DLC1: variants seen among roughly 807,000 people sequenced by gnomAD.
The protein encoded by DLC1 is rho GTPase-activating protein 7.
In DLC1, 54 loss-of-function variants were observed where a neutral mutation model predicts 140.3. The observed-to-expected ratio is 0.38, with a 90% confidence interval of 0.31 to 0.48. The LOEUF is 0.48. Ranked by LOEUF, DLC1 falls within the 20% of genes least tolerant of loss-of-function variation. The probability of loss-of-function intolerance (pLI) is 0.96; values close to 1 mark genes in which losing one functional copy is unlikely to be tolerated. For missense variants in DLC1, 2,536 were observed against 1,907.0 expected, an observed-to-expected ratio of 1.33 and a Z score of -6.14; for synonymous variants, 986 against 728.1, an observed-to-expected ratio of 1.35 and a Z score of -5.70.
At chr8:13,297,282 T>TAAAAAAAAA (rs60048506) in intron 5 of DLC1, among the ~76,000 whole-genome samples, 166 of 9,634 alleles carry the variant, frequency 0.017, 44 homozygotes, top group Admixed American at 0.03. Flanking sequence ...CTTCATACAT[T>TAAAAAAAAA]AAAAAAAAAA....
At chr8:13,443,590 G>T (rs572875842) in intron 2 of DLC1, among the ~76,000 whole-genome samples, 1 of 149,228 alleles carries the variant, frequency 6.7e-6, no homozygotes. Flanking sequence ...ACCCAGAGGC[G>T]GAGCTTGCAG....
intron 2 of DLC1, among the ~76,000 whole-genome samples, chr8:13,457,428 C>T (rs1184242480): frequency 6.6e-6 from 1 of 151,904 alleles, no homozygotes; most frequent in Non-Finnish European, 1.5e-5. Context: ...CCTGTAATCC[C>T]AGCACTTTGA....
chr8:13,429,368 A>G (rs564189985), intron 2 of DLC1, among the ~76,000 whole-genome samples: 2 of 152,238 alleles, frequency 1.3e-5, no homozygotes, highest in Non-Finnish European at 2.9e-5. Context: ...GTTTTATGCA[A>G]TGTAAGTATC....
chr8:13,271,073 C>G (rs187384331), intron 5 of DLC1, among the ~76,000 whole-genome samples: 1 of 152,172 alleles, frequency 6.6e-6, no homozygotes, highest in Admixed American at 6.5e-5. Flanking sequence ...ATTCTCTCAT[C>G]AAAGCCACCC....
At chr8:13,298,317 T>C (rs2117491130) in intron 5 of DLC1, among the ~76,000 whole-genome samples, 1 of 152,312 alleles carries the variant, frequency 6.6e-6, no homozygotes, top group South Asian at 2.1e-4. Context: ...GTGGCACAGA[T>C]CCCCAAATAG....
intron 1 of DLC1, among the ~76,000 whole-genome samples, chr8:13,581,928 A>C (rs1008355861): frequency 6.6e-6 from 1 of 152,158 alleles, no homozygotes; most frequent in Non-Finnish European, 1.5e-5. Context: ...TAGGAAAAAA[A>C]ATTTAATGCA....
intron 1 of DLC1, among the ~76,000 whole-genome samples, chr8:13,512,966 C>CT (rs57239531): frequency 2.1e-5 from 3 of 139,966 alleles, no homozygotes; most frequent in African/African-American, 8.0e-5. Flanking sequence ...ACAGTTTTAC[C>CT]TTTTTTTTTT....
In DLC1 at chr8:13,503,270, G is replaced by T. The variant is rs568251642; in HGVS notation, c.-125-3074C>A. Among the ~76,000 whole-genome samples the T allele has an allele frequency of 4.6e-5, 7 of 152,200 alleles. No individual in the cohort carries two copies. The South Asian group carries it at 1.4e-3, about 32-fold the overall frequency. On this transcript the variant is annotated intron_variant, in intron 1 of 17. Transcript: ENST00000276297. ...AATGCAAAAATTAGCCAGGAGTGGT[G>T]GCGTGCACCTGTAGACCCAGCAACT...
intron 5 of DLC1, among the ~76,000 whole-genome samples, chr8:13,262,327 G>A (rs1474792153): frequency 6.6e-6 from 1 of 151,594 alleles, no homozygotes; most frequent in Non-Finnish European, 1.5e-5. Context: ...CATAAGAAAT[G>A]ATAAAAGCCA....
At chr8:13,223,340 G>A (rs1229464379) in intron 5 of DLC1, among the ~76,000 whole-genome samples, 2 of 152,078 alleles carry the variant, frequency 1.3e-5, no homozygotes, top group East Asian at 1.9e-4. Context: ...CTCTTCGCAC[G>A]TAATCTAGCT....
intron 5 of DLC1, among the ~76,000 whole-genome samples, chr8:13,136,741 C>T (rs1001698521): frequency 3.9e-5 from 6 of 152,112 alleles, no homozygotes; most frequent in African/African-American, 1.4e-4. Flanking sequence ...TGCCATGTTG[C>T]TCAGGCTGCT....
Position 13,261,662 on chromosome 8 carries a change from C to T in DLC1, c.1348+43607G>A, listed in dbSNP as rs139163472. The stretch of plus-strand genomic sequence containing the variant: ...AGTGAGGGTGGTGCCAAGTGGTCAG[C>T]GTCTAGATGCATTTGCAGGTACAGA... On this transcript the variant is annotated intron_variant, in intron 5 of 17. Coordinates refer to ENST00000276297, the MANE Select transcript of DLC1 (RefSeq NM_182643.3). 3.9e-5 allele frequency among the ~76,000 whole-genome samples: 6 copies of T among 151,908 alleles called. No individual in the cohort carries two copies. The South Asian group carries it at 6.2e-4, about 16-fold the overall frequency.
intron 1 of DLC1, among the ~76,000 whole-genome samples, chr8:13,543,778 G>C (rs188730474): frequency 6.6e-6 from 1 of 152,074 alleles, no homozygotes. Context: ...ATCTGTAATT[G>C]GGAGCTAAGC....
chr8:13,135,951 G>C (rs531775961), intron 5 of DLC1, among the ~76,000 whole-genome samples: 1 of 152,022 alleles, frequency 6.6e-6, no homozygotes, highest in Non-Finnish European at 1.5e-5. Context: ...CTTTCTTTTG[G>C]TGATGCATTG....
chr8:13,259,435 T>C (rs1047573187), intron 5 of DLC1, among the ~76,000 whole-genome samples: 1 of 152,200 alleles, frequency 6.6e-6, no homozygotes, highest in African/African-American at 2.4e-5. Flanking sequence ...CCTTAGGGCC[T>C]TGGAAGAGTC....
At chr8:13,361,242 T>A (rs910953940) in intron 4 of DLC1, among the ~76,000 whole-genome samples, 1 of 151,836 alleles carries the variant, frequency 6.6e-6, no homozygotes, top group Non-Finnish European at 1.5e-5. Flanking sequence ...AGAAAAACAA[T>A]ACAAAACAAA....
intron 3 of DLC1, among the ~76,000 whole-genome samples, chr8:13,399,676 C>T (rs943682940): frequency 6.6e-6 from 1 of 152,146 alleles, no homozygotes. Context: ...ATTCATCAGG[C>T]CATAGCCAAT....
intron 2 of DLC1, among the ~76,000 whole-genome samples, chr8:13,473,491 G>C (rs1168758444): frequency 3.3e-5 from 5 of 152,124 alleles, no homozygotes; most frequent in Non-Finnish European, 7.3e-5. Context: ...CAGTAGAGCG[G>C]GGTGCTGCTG....
In DLC1 at chr8:13,302,043, C is replaced by A. The variant is rs73562508; in HGVS notation, c.1348+3226G>T. Among the ~76,000 whole-genome samples the A allele has an allele frequency of 9.8e-3, 1,488 of 152,224 alleles. 23 individuals carry two copies. The highest frequency in any genetic ancestry group is 0.034 in the African/African-American group (1,398 of 41,524). ...ATTTATTGGATACAATTATACATAT[C>A]GATACTTGTGTGATCAGTTCTGATT... On this transcript the variant is annotated intron_variant, in intron 5 of 17. Coordinates refer to ENST00000276297, the MANE Select transcript of DLC1 (RefSeq NM_182643.3).
Sources: gnomAD v4.1 joint callset for allele counts (sites outside exome capture counted in the v4.1 genomes callset) on GRCh38, gnomAD v4.1.1 for gene constraint, MANE v1.5 for transcripts, NCBI Gene and HGNC (gene_info 2026-07-23, HGNC 2026-07-21) for gene names.